Variants in DLGAP2 observed in about 807,000 individuals in gnomAD.
The protein encoded by DLGAP2 is DLG associated protein 2.
Under a neutral mutation model 100.3 loss-of-function variants are expected in DLGAP2, and 26 were observed. The ratio of observed to expected loss-of-function variants is 0.26; its 90% CI spans 0.19 to 0.36. DLGAP2 has a LOEUF of 0.36. DLGAP2 is among the 10% of genes least tolerant of loss of function. DLGAP2 has a pLI of 1.00. For synonymous variants in DLGAP2, 886 were observed against 630.1 expected (o/e 1.41, Z -6.08); for missense variants, 1,858 against 1,453.2 (o/e 1.28, Z -4.53).
At position 1,691,580 on chromosome 8, in the gene DLGAP2, T is replaced by C. The variant is rs757402954; in HGVS notation, c.2750T>C (p.Met917Thr). The C allele has an allele frequency of 1.2e-6, 2 of 1,614,186 alleles. No individual in the cohort carries two copies. The highest frequency in any genetic ancestry group is 2.2e-5 in the East Asian group (1 of 44,878). Residue 917 changes from methionine to threonine, a missense_variant, in exon 13 of 15, where the codon ATG becomes ACG. Met to Thr is a moderately conservative substitution (Grantham distance 81). Transcript: ENST00000637795. ...RSAVGSAQLL[M>T]SQKFQQFYWL... ...GCTGTTGGGAGTGCCCAGCTTCTCATGTCCCAGAAATTCCAGCAGTTTTAT... is the reference window on the plus strand; with the variant it reads ...GCTGTTGGGAGTGCCCAGCTTCTCACGTCCCAGAAATTCCAGCAGTTTTAT...
intron 6 of DLGAP2, among the ~76,000 whole-genome samples, chr8:1,596,676 G>C (rs1237905194): frequency 1.3e-5 from 2 of 152,098 alleles, no homozygotes; most frequent in Admixed American, 6.5e-5. Flanking sequence ...GTCTTCTTCT[G>C]AGAAATGCCT....
intron 14 of DLGAP2, among the ~76,000 whole-genome samples, chr8:1,699,228 T>G (rs1428446748): frequency 6.6e-6 from 1 of 152,170 alleles, no homozygotes; most frequent in African/African-American, 2.4e-5. Flanking sequence ...GGAAACGTCT[T>G]TGGGAGGCCA....
intron 10 of DLGAP2, among the ~76,000 whole-genome samples, chr8:1,675,822 G>T (rs1053195445): frequency 1.5e-4 from 23 of 151,660 alleles, no homozygotes; most frequent in African/African-American, 2.9e-4. Flanking sequence ...TACTTGGTTT[G>T]GTTTTGTTTT....
At chr8:882,419 G>T (rs1265826762) in intron 1 of DLGAP2, among the ~76,000 whole-genome samples, 5 of 140,688 alleles carry the variant, frequency 3.6e-5, no homozygotes, top group African/African-American at 5.4e-5. Context: ...TCTCCTGCGC[G>T]CACCCTCGCC....
chr8:1,252,815 G>C (rs559319158), intron 2 of DLGAP2, among the ~76,000 whole-genome samples: 1 of 152,246 alleles, frequency 6.6e-6, no homozygotes, highest in Non-Finnish European at 1.5e-5. Context: ...CTTTCCTGAC[G>C]AGCAGAGGAT....
intron 3 of DLGAP2, among the ~76,000 whole-genome samples, chr8:1,390,565 C>T (rs1016590191): frequency 5.3e-5 from 8 of 152,198 alleles, no homozygotes; most frequent in African/African-American, 1.2e-4. Context: ...TGTATGCTTG[C>T]GGGCCTCTGG....
At chr8:927,345 G>A (rs1798838740) in intron 2 of DLGAP2, 6 of 671,754 alleles carry the variant, frequency 8.9e-6, no homozygotes, top group African/African-American at 2.0e-5. Flanking sequence ...AAAAATGACC[G>A]TGACTGTAGC....
chr8:857,805 G>A (rs1008714253), intron 1 of DLGAP2, among the ~76,000 whole-genome samples: 13 of 152,236 alleles, frequency 8.5e-5, no homozygotes, highest in Admixed American at 8.5e-4. Context: ...ATGCCGTCTA[G>A]CAGTCAGGCT....
At chr8:1,187,152 A>G (rs980054317) in intron 2 of DLGAP2, among the ~76,000 whole-genome samples, 5 of 152,236 alleles carry the variant, frequency 3.3e-5, no homozygotes, top group African/African-American at 9.6e-5. Flanking sequence ...ATTGACTGCA[A>G]TTTAACAATG....
chr8:1,686,303 G>C (rs983548198), intron 12 of DLGAP2, among the ~76,000 whole-genome samples: 2 of 152,224 alleles, frequency 1.3e-5, no homozygotes, highest in Non-Finnish European at 2.9e-5. Flanking sequence ...CAACATGGAT[G>C]GAATTGGAGG....
chr8:1,126,964 C>G (rs1349980133), intron 2 of DLGAP2, among the ~76,000 whole-genome samples: 1 of 151,232 alleles, frequency 6.6e-6, no homozygotes, highest in Admixed American at 6.6e-5. Flanking sequence ...TGTCCCCAGC[C>G]CAGCTCTTAA....
At chr8:1,408,955 T>C (rs2129868578) in intron 3 of DLGAP2, among the ~76,000 whole-genome samples, 1 of 152,350 alleles carries the variant, frequency 6.6e-6, no homozygotes, top group Middle Eastern at 3.4e-3. Flanking sequence ...GGACATTTAA[T>C]CGATGTCTGT....
chr8:861,146 A>C (rs1795353522), intron 1 of DLGAP2, among the ~76,000 whole-genome samples: 1 of 152,100 alleles, frequency 6.6e-6, no homozygotes, highest in African/African-American at 2.4e-5. Context: ...AAAATGAATG[A>C]TTGTGTGTGT....
intron 2 of DLGAP2, among the ~76,000 whole-genome samples, chr8:1,054,716 A>C (rs1274659436): frequency 6.6e-6 from 1 of 152,170 alleles, no homozygotes; most frequent in Non-Finnish European, 1.5e-5. Flanking sequence ...ATTATTTGGA[A>C]GGTTTGATTC....
intron 3 of DLGAP2, among the ~76,000 whole-genome samples, chr8:1,457,760 C>T (rs1260609549): frequency 6.6e-6 from 1 of 151,856 alleles, no homozygotes; most frequent in Admixed American, 6.6e-5. Context: ...TCCCACGCCT[C>T]CCCCAGAAGG....
chr8:1,319,424 C>A (rs1274011619), intron 3 of DLGAP2, among the ~76,000 whole-genome samples: 1 of 152,186 alleles, frequency 6.6e-6, no homozygotes, highest in Non-Finnish European at 1.5e-5. Flanking sequence ...AGTGTGTCTG[C>A]CCACTCACTC....
chr8:1,187,403 ATG>A (rs1470319834), intron 2 of DLGAP2, among the ~76,000 whole-genome samples: 12 of 132,878 alleles, frequency 9.0e-5, no homozygotes, highest in African/African-American at 3.6e-4. Flanking sequence ...CCCTCACGGA[ATG>A]TCACACGCCC....
chr8:1,426,395 A>C (rs1421444612), intron 3 of DLGAP2, among the ~76,000 whole-genome samples: 1 of 152,180 alleles, frequency 6.6e-6, no homozygotes, highest in Non-Finnish European at 1.5e-5. Context: ...AATACAAACA[A>C]ATGAACAGCA....
At chr8:835,813 C>G (rs1796862850) in intron 1 of DLGAP2, among the ~76,000 whole-genome samples, 1 of 152,138 alleles carries the variant, frequency 6.6e-6, no homozygotes, top group Non-Finnish European at 1.5e-5. Context: ...ATGCTTTCTC[C>G]CCGTACCAGC....
Sources: allele counts gnomAD v4.1 joint callset (sites outside exome capture counted in the v4.1 genomes callset), GRCh38; gene constraint gnomAD v4.1.1; transcripts MANE v1.5; gene names NCBI Gene and HGNC (gene_info 2026-07-23, HGNC 2026-07-21).